Variants in NLE1 observed in about 807,000 individuals in gnomAD.
NLE1 encodes the protein notchless homolog 1.
In NLE1, 37 loss-of-function variants were observed where a neutral mutation model predicts 62.8. The observed-to-expected ratio is 0.59, with a 90% CI of 0.45 to 0.78. The LOEUF is 0.78. NLE1 is among the 30% of genes least tolerant of loss of function. The probability of loss-of-function intolerance (pLI) is 0.00; values close to 1 mark genes in which losing one functional copy is unlikely to be tolerated. For synonymous variants in NLE1, 243 were observed against 253.0 expected (o/e 0.96, Z 0.37); for missense variants, 555 against 637.9 (o/e 0.87, Z 1.40).
In NLE1 at chr17:35,139,989, C is replaced by T; in HGVS notation, c.240G>A (p.Gln80=). 4 of 1,614,164 alleles carry T rather than the reference C, an allele frequency of 2.5e-6. No homozygotes were observed. The highest frequency in any genetic ancestry group is 1.7e-4 in the Middle Eastern group (1 of 6,030). The change falls in exon 3 of 13, where the codon CAG becomes CAA. Residue 80 remains glutamine (Q), a synonymous_variant. Transcript: ENST00000442241. ...CTAGGACCTTCTCTGTCTCCACTGCCTGGGACTCCAACGTCTTCCCCAGTG... is the reference window on the plus strand; with the variant it reads ...CTAGGACCTTCTCTGTCTCCACTGCTTGGGACTCCAACGTCTTCCCCAGTG... ...VSSLGKTLES[Q]AVETEKVLDI...
Position 35,132,321 on chromosome 17 carries a change from G to A in NLE1, c.*116C>T. On this transcript the variant is annotated 3_prime_UTR_variant, in exon 13 of 13. Coordinates refer to ENST00000442241, the MANE Select transcript of NLE1 (RefSeq NM_018096.5). ...GGACAGCAGGCCACACGCATTCTCAGGTCCCCACTGGTGGGGAGGGTGTGT... is the reference window on the plus strand; with the variant it reads ...GGACAGCAGGCCACACGCATTCTCAAGTCCCCACTGGTGGGGAGGGTGTGT... 1.2e-6 allele frequency: 1 copy of A among 864,030 alleles called. No individual in the cohort carries two copies. The highest frequency in any genetic ancestry group is 3.3e-5 in the East Asian group (1 of 30,442). The allele number at this position is 864,030 out of a possible 1,614,324, so 53.5% of individuals were successfully genotyped here.
At chr17:35,139,559 TC>T (rs1001455680) in intron 3 of NLE1, among the ~76,000 whole-genome samples, 2 of 152,220 alleles carry the variant, frequency 1.3e-5, no homozygotes, top group Non-Finnish European at 2.9e-5. Flanking sequence ...AATCCCAGTT[TC>T]ACAGATGAAA....
At chr17:35,142,170 G>A (rs2091948527) in intron 1 of NLE1, 48 bp from the exon 2 acceptor site, 1 of 1,604,138 alleles carries the variant, frequency 6.2e-7, no homozygotes, top group Non-Finnish European at 8.5e-7. Context: ...CCGCCCAGAA[G>A]GGCCCCACTT....
rs775005391 is a variant in NLE1, at chr17:35,129,444, G to A, written c.*2993C>T. 4 of 1,614,062 alleles carry A rather than the reference G, an allele frequency of 2.5e-6. No individual in the cohort carries two copies. The highest frequency in any genetic ancestry group is 3.4e-6 in the Non-Finnish European group (4 of 1,179,910). Reference sequence around the variant, plus strand: ...TAGATTTCCTGGACCTACGCCTTGGGCAAGCAGCCGGTCAGTTTCTACCAG... The same window carrying A: ...TAGATTTCCTGGACCTACGCCTTGGACAAGCAGCCGGTCAGTTTCTACCAG... On this transcript the variant is annotated 3_prime_UTR_variant, in exon 13 of 13. Transcript: ENST00000442241.
chr17:35,135,220 A>G, intron 10 of NLE1, 29 bp downstream of exon 10: 2 of 1,604,444 alleles, frequency 1.2e-6, no homozygotes, highest in Non-Finnish European at 1.7e-6. Flanking sequence ...TTCACTCCTT[A>G]CAGAGAAGCA....
At chr17:35,140,100 A>G (rs770159245) in intron 2 of NLE1, 34 bp from the exon 3 acceptor site, 2 of 1,603,082 alleles carry the variant, frequency 1.2e-6, no homozygotes, top group Admixed American at 1.7e-5. Flanking sequence ...AACCCGCAAC[A>G]ATGGATGTGC....
chr17:35,129,769 C>G lies in NLE1; in HGVS notation c.*2668G>C. On this transcript the variant is annotated 3_prime_UTR_variant, in exon 13 of 13. Transcript: ENST00000442241. ...ATGCCCACATGACTCATCTGGCTAGCTTTCCTTCTGCCTGGGTCAAGAAGC... is the reference window on the plus strand; with the variant it reads ...ATGCCCACATGACTCATCTGGCTAGGTTTCCTTCTGCCTGGGTCAAGAAGC... 6.8e-7 allele frequency: 1 copy of G among 1,475,326 alleles called. No homozygotes were observed. Among genetic ancestry groups the G allele is most frequent in the East Asian group, 2.5e-5 (1 of 40,278 alleles). The allele number at this position is 1,475,326 out of a possible 1,614,324, so 91.4% of individuals were successfully genotyped here. A position where few individuals can be genotyped will look rare whatever the true frequency, so the allele number is the denominator to read the frequency against.
chr17:35,130,219 CAGAG>C lies in NLE1; in HGVS notation c.*2214_*2217del. ...ACAGAAAAAAAAGGGGTGATAGAGA[CAGAG>C]AGAGAGCCAGGTTCAGATCTGGGAA... is the stretch of plus-strand genomic sequence containing the variant. On this transcript the variant is annotated 3_prime_UTR_variant, in exon 13 of 13. Coordinates refer to ENST00000442241, the MANE Select transcript of NLE1 (RefSeq NM_018096.5). 34 of 1,579,394 alleles carry C rather than the reference CAGAG, an allele frequency of 2.2e-5. No individual in the cohort carries two copies. The highest frequency in any genetic ancestry group is 2.4e-5 in the Non-Finnish European group (28 of 1,162,320).
chr17:35,137,012 T>G lies in NLE1; in HGVS notation c.817A>C (p.Arg273=). The G allele has an allele frequency of 1.9e-6, 3 of 1,604,914 alleles. No individual in the cohort carries two copies. Among genetic ancestry groups the G allele is most frequent in the Non-Finnish European group, 2.6e-6 (3 of 1,172,944 alleles). The change falls in exon 7 of 13, where the codon AGA becomes CGA. Residue 273 remains arginine (R), a synonymous_variant. Transcript: ENST00000442241. ...ASQDRTIKVW[R]AHDGVLCRTL... The stretch of plus-strand genomic sequence containing the variant: ...CTCCCAGCACTTACGTCATGAGCTC[T>G]CCAGACTTTGATGGTGCGGTCCTGG...
At position 35,129,224 on chromosome 17, in the gene NLE1, G is replaced by T. The variant is rs2091861632; in HGVS notation, c.*3213C>A. On this transcript the variant is annotated 3_prime_UTR_variant, in exon 13 of 13. Coordinates refer to ENST00000442241, the MANE Select transcript of NLE1 (RefSeq NM_018096.5). ...GGTGTACCCTAAAGTGGGTGGGGCTGCCCAGGAGAGTAGTACATGCTTCGG... is the reference window on the plus strand; with the variant it reads ...GGTGTACCCTAAAGTGGGTGGGGCTTCCCAGGAGAGTAGTACATGCTTCGG... The T allele has an allele frequency of 3.0e-6, 2 of 677,508 alleles. No individual in the cohort carries two copies. The highest frequency in any genetic ancestry group is 1.8e-5 in the South Asian group (1 of 54,340). 42.0% of individuals were successfully genotyped at this position (677,508 alleles called of 1,614,324 possible).
At chr17:35,139,084 T>C in intron 4 of NLE1, 151 bp downstream of exon 4, 1 of 593,562 alleles carries the variant, frequency 1.7e-6, no homozygotes, top group Non-Finnish European at 2.9e-6. Context: ...GAGGCTGAAG[T>C]AGGGGGACTG....
chr17:35,136,262 C>T (rs1279882418), intron 8 of NLE1, 47 bp from the exon 9 acceptor site: 13 of 1,613,074 alleles, frequency 8.1e-6, no homozygotes, highest in South Asian at 1.1e-5. Context: ...GGAAGAAGGC[C>T]GATAAGAAAA....
At chr17:35,137,971 G>C in intron 4 of NLE1, 81 bp from the exon 5 acceptor site, 2 of 976,660 alleles carry the variant, frequency 2.0e-6, no homozygotes, top group Non-Finnish European at 3.2e-6. Context: ...CAGGTGCCAG[G>C]TACTCCTTAA....
chr17:35,133,399 C>T lies in NLE1; in HGVS notation c.1314G>A (p.Leu438=). 1 of 1,614,190 alleles carries T rather than the reference C, an allele frequency of 6.2e-7. No individual in the cohort carries two copies. Among genetic ancestry groups the T allele is most frequent in the Non-Finnish European group, 8.5e-7 (1 of 1,180,036 alleles). Residue 438 remains leucine (L), a synonymous_variant, in exon 11 of 13, where the codon CTG becomes CTA. Coordinates refer to ENST00000442241, the MANE Select transcript of NLE1 (RefSeq NM_018096.5). ...TCTGGGCCTTCACATCCCACACCTTCAGTGTGCTGTCACTGCTGCCGCTGA... is the reference window on the plus strand; with the variant it reads ...TCTGGGCCTTCACATCCCACACCTTTAGTGTGCTGTCACTGCTGCCGCTGA... ...LLVSGSSDST[L]KVWDVKAQKL... is the part of the protein sequence containing the mutation.
At chr17:35,141,953 C>A (rs1191988262) in intron 2 of NLE1, 26 bp downstream of exon 2, 8 of 1,548,742 alleles carry the variant, frequency 5.2e-6, no homozygotes, top group Non-Finnish European at 7.0e-6. Flanking sequence ...GGTGGAGATG[C>A]GAGGCCGCCC....
In NLE1 at chr17:35,129,984, T is replaced by G; in HGVS notation, c.*2453A>C. 3 of 1,366,582 alleles carry G rather than the reference T, an allele frequency of 2.2e-6. No homozygotes were observed. The highest frequency in any genetic ancestry group is 1.9e-6 in the Non-Finnish European group (2 of 1,060,904). The allele number at this position is 1,366,582 out of a possible 1,614,324, so 84.7% of individuals were successfully genotyped here. A position where few individuals can be genotyped will look rare whatever the true frequency, so the allele number is the denominator to read the frequency against. On this transcript the variant is annotated 3_prime_UTR_variant, in exon 13 of 13. Transcript: ENST00000442241. ...GGGAAGTCAAGGGCATTGAAAGAAA[T>G]AGGGAAGACAAGAGGCTAAAGGGGG...
In NLE1 at chr17:35,129,784, G is replaced by C. The variant is rs1283403652; in HGVS notation, c.*2653C>G. Reference sequence around the variant, plus strand: ...ATCTGGCTAGCTTTCCTTCTGCCTGGGTCAAGAAGCATCAATTCCAGAATG... The same window carrying C: ...ATCTGGCTAGCTTTCCTTCTGCCTGCGTCAAGAAGCATCAATTCCAGAATG... On this transcript the variant is annotated 3_prime_UTR_variant, in exon 13 of 13. Coordinates refer to ENST00000442241, the MANE Select transcript of NLE1 (RefSeq NM_018096.5). 3.4e-6 allele frequency: 5 copies of C among 1,456,954 alleles called. No individual in the cohort carries two copies. Among genetic ancestry groups the C allele is most frequent in the Non-Finnish European group, 4.5e-6 (5 of 1,107,660 alleles). The allele number at this position is 1,456,954 out of a possible 1,614,324, so 90.3% of individuals were successfully genotyped here.
At chr17:35,136,641 C>T in intron 7 of NLE1, 144 bp from the exon 8 acceptor site, 9 of 1,022,024 alleles carry the variant, frequency 8.8e-6, no homozygotes, top group Non-Finnish European at 9.7e-6. Context: ...GGGGTCAAGT[C>T]TCTCCCCACT....
At chr17:35,139,176 G>T in intron 4 of NLE1, 59 bp downstream of exon 4, 1 of 1,466,444 alleles carries the variant, frequency 6.8e-7, no homozygotes, top group South Asian at 1.1e-5. Context: ...CTGGTCAACA[G>T]AGCAAGACCT....
Sources: allele counts gnomAD v4.1 joint callset (sites outside exome capture counted in the v4.1 genomes callset), GRCh38; gene constraint gnomAD v4.1.1; transcripts MANE v1.5; gene names NCBI Gene and HGNC (gene_info 2026-07-23, HGNC 2026-07-21).